PPP6R3: variants seen among roughly 807,000 people sequenced by gnomAD.
PPP6R3 encodes protein phosphatase 6 regulatory subunit 3.
In PPP6R3, 38 loss-of-function variants were observed where a neutral mutation model predicts 110.7. The ratio of observed to expected loss-of-function variants is 0.34; its 90% CI spans 0.26 to 0.45. The LOEUF (loss-of-function observed/expected upper bound fraction) is 0.45, where lower values mean the gene tolerates loss of function less well. Ranked by LOEUF, PPP6R3 falls within the 20% of genes least tolerant of loss-of-function variation. PPP6R3 has a pLI of 1.00. For synonymous variants in PPP6R3, 369 were observed against 373.5 expected, an observed-to-expected ratio of 0.99 and a Z score of 0.14; for missense variants, 870 against 1,062.4, an observed-to-expected ratio of 0.82 and a Z score of 2.52.
intron 4 of PPP6R3, among the ~76,000 whole-genome samples, chr11:68,547,473 G>C (rs1034821910): frequency 6.6e-6 from 1 of 152,178 alleles, no homozygotes; most frequent in Non-Finnish European, 1.5e-5. Context: ...GATTTCCGTG[G>C]CCATTCTCAC....
At chr11:68,534,680 T>C (rs1320931725) in intron 2 of PPP6R3, among the ~76,000 whole-genome samples, 1 of 152,224 alleles carries the variant, frequency 6.6e-6, no homozygotes, top group Non-Finnish European at 1.5e-5. Context: ...GATGCCAGAT[T>C]CACTTTTTTT....
chr11:68,579,025 A>G (rs896800239), intron 14 of PPP6R3, among the ~76,000 whole-genome samples: 6 of 152,206 alleles, frequency 3.9e-5, no homozygotes, highest in Non-Finnish European at 8.8e-5. Flanking sequence ...CCCAAGGGGG[A>G]AAATGTATTT....
At chr11:68,547,830 A>C (rs2099355375) in intron 4 of PPP6R3, among the ~76,000 whole-genome samples, 1 of 149,972 alleles carries the variant, frequency 6.7e-6, no homozygotes, top group African/African-American at 2.5e-5. Flanking sequence ...GATTCTGTTA[A>C]GTTGTATTTG....
chr11:68,513,653 A>G (rs183075359), intron 1 of PPP6R3, among the ~76,000 whole-genome samples: 28 of 152,362 alleles, frequency 1.8e-4, no homozygotes, highest in Non-Finnish European at 2.6e-4. Context: ...ATTCAGTCCT[A>G]TAAGACTTCT....
At chr11:68,512,332 TGTG>T (rs1309081517) in intron 1 of PPP6R3, among the ~76,000 whole-genome samples, 2 of 152,170 alleles carry the variant, frequency 1.3e-5, no homozygotes, top group Non-Finnish European at 2.9e-5. Context: ...TCTTCTCACA[TGTG>T]GTGCCAATCA....
chr11:68,580,122 G>C (rs2153817301), intron 14 of PPP6R3, among the ~76,000 whole-genome samples: 1 of 152,276 alleles, frequency 6.6e-6, no homozygotes, highest in Non-Finnish European at 1.5e-5. Flanking sequence ...GGAGAGGGAA[G>C]AGCAAAATGC....
At chr11:68,531,096 C>T (rs1349781918) in intron 2 of PPP6R3, among the ~76,000 whole-genome samples, 1 of 152,100 alleles carries the variant, frequency 6.6e-6, no homozygotes, top group Non-Finnish European at 1.5e-5. Context: ...ACTGTTTGCA[C>T]TAGTATGCTT....
At chr11:68,498,488 C>T (rs1204587259) in intron 1 of PPP6R3, among the ~76,000 whole-genome samples, 1 of 152,202 alleles carries the variant, frequency 6.6e-6, no homozygotes, top group Non-Finnish European at 1.5e-5. Context: ...GCAGCCATCA[C>T]ATGTCTCCTT....
Position 68,614,490 on chromosome 11 carries a change from A to G in PPP6R3, c.*1373A>G. 7.1e-7 allele frequency: 1 copy of G among 1,405,398 alleles called. No homozygotes were observed. The highest frequency in any genetic ancestry group is 1.7e-5 in the South Asian group (1 of 60,088). 87.1% of individuals were successfully genotyped at this position (1,405,398 alleles called of 1,614,324 possible). ...TTTTTCCTGACCAGTATTTAAAACCAAAAGGATATTCTGAAAAATGGCCAA... is the reference window on the plus strand; with the variant it reads ...TTTTTCCTGACCAGTATTTAAAACCGAAAGGATATTCTGAAAAATGGCCAA... On this transcript the variant is annotated 3_prime_UTR_variant, in exon 24 of 24. Coordinates refer to ENST00000393800, the MANE Select transcript of PPP6R3 (RefSeq NM_001164161.2).
At chr11:68,499,841 A>G (rs2099039030) in intron 1 of PPP6R3, among the ~76,000 whole-genome samples, 1 of 152,050 alleles carries the variant, frequency 6.6e-6, no homozygotes, top group Admixed American at 6.6e-5. Flanking sequence ...CCAAAGTGCT[A>G]GGGATTATAG....
chr11:68,513,960 C>T (rs1484816878), intron 1 of PPP6R3, among the ~76,000 whole-genome samples: 1 of 152,156 alleles, frequency 6.6e-6, no homozygotes, highest in African/African-American at 2.4e-5. Flanking sequence ...GTTGATCCAT[C>T]GTGGTTTTTG....
chr11:68,606,478 G>GTTTT (rs11344213), intron 22 of PPP6R3, among the ~76,000 whole-genome samples: 1 of 129,540 alleles, frequency 7.7e-6, no homozygotes. Context: ...AATTTATGTA[G>GTTTT]TTTTTTTTTT....
At position 68,600,218 on chromosome 11, in the gene PPP6R3, A is replaced by G. The variant is rs1409990484; in HGVS notation, c.2039-123A>G. The G allele has an allele frequency of 6.2e-6, 7 of 1,122,564 alleles. No homozygotes were observed. In the East Asian group the frequency reaches 1.2e-4, roughly 19 times the overall value. 69.5% of individuals were successfully genotyped at this position (1,122,564 alleles called of 1,614,324 possible). On this transcript the variant is annotated intron_variant, in intron 19 of 23. Coordinates refer to ENST00000393800, the MANE Select transcript of PPP6R3 (RefSeq NM_001164161.2). ...CTGTGCCCTGTCCGCTCCTGCCCTC[A>G]TTGGTGAGAGTGTCTTTCTCCCACA...
chr11:68,461,311 G>T (rs1216505006), intron 1 of PPP6R3, among the ~76,000 whole-genome samples: 1 of 152,160 alleles, frequency 6.6e-6, no homozygotes, highest in African/African-American at 2.4e-5. Flanking sequence ...GAAGACCATT[G>T]TTGGACTCTG....
At chr11:68,555,589 AGT>A (rs2099396157) in intron 7 of PPP6R3, among the ~76,000 whole-genome samples, 1 of 152,176 alleles carries the variant, frequency 6.6e-6, no homozygotes, top group South Asian at 2.1e-4. Context: ...GTCATTGCTA[AGT>A]TCTTCGTGCC....
At chr11:68,554,282 T>G in intron 7 of PPP6R3, 25 bp downstream of exon 7, 1 of 1,526,878 alleles carries the variant, frequency 6.5e-7, no homozygotes, top group Non-Finnish European at 9.0e-7. Context: ...CTGTTCTTGT[T>G]CTTCTTTCAT....
rs538394322 is a variant in PPP6R3, at chr11:68,609,765, C to A, written c.2451-139C>A. The A allele has an allele frequency of 5.1e-5, 79 of 1,547,926 alleles. 1 individual carries two copies. In the East Asian group the frequency reaches 1.3e-3, roughly 26 times the overall value. On this transcript the variant is annotated intron_variant, in intron 22 of 23. Coordinates refer to ENST00000393800, the MANE Select transcript of PPP6R3 (RefSeq NM_001164161.2). ...TGTCTGTGGTTGTGTGATCGTGCAC[C>A]CTGCGCATGCTCAGTCCCAGGATGC...
chr11:68,568,149 A>C (rs1036419155), intron 10 of PPP6R3, among the ~76,000 whole-genome samples: 21 of 152,140 alleles, frequency 1.4e-4, no homozygotes, highest in African/African-American at 4.6e-4. Flanking sequence ...CACAGAAAAC[A>C]GGAGCAATTT....
At chr11:68,531,751 C>A (rs2099242041) in intron 2 of PPP6R3, among the ~76,000 whole-genome samples, 1 of 152,092 alleles carries the variant, frequency 6.6e-6, no homozygotes, top group African/African-American at 2.4e-5. Flanking sequence ...GTTCTAGCTG[C>A]TATTGCGGAT....
Sources: allele counts gnomAD v4.1 joint callset (sites outside exome capture counted in the v4.1 genomes callset), GRCh38; gene constraint gnomAD v4.1.1; transcripts MANE v1.5; gene names NCBI Gene and HGNC (gene_info 2026-07-23, HGNC 2026-07-21).